PAN3: variants seen among roughly 807,000 people sequenced by gnomAD.
PAN3 encodes the protein poly(A) specific ribonuclease subunit PAN3.
Under a neutral mutation model 96.2 loss-of-function variants are expected in PAN3, and 19 were observed. That is an observed-to-expected ratio of 0.20 (90% CI 0.14 to 0.29). The LOEUF is 0.29. Ranked by LOEUF, PAN3 falls within the 10% of genes least tolerant of loss-of-function variation. The pLI is 1.00. For missense variants in PAN3, 882 were observed against 1,108.1 expected, an observed-to-expected ratio of 0.80 and a Z score of 2.90; for synonymous variants, 433 against 406.6, an observed-to-expected ratio of 1.06 and a Z score of -0.78.
At chr13:28,220,160 T>C in intron 5 of PAN3, 71 bp from the exon 6 acceptor site, 1 of 1,418,144 alleles carries the variant, frequency 7.1e-7, no homozygotes, top group Non-Finnish European at 9.7e-7. Flanking sequence ...CACTGTGGAA[T>C]ATGCCTAGTA....
At chr13:28,226,418 C>T (rs2138414289) in intron 6 of PAN3, among the ~76,000 whole-genome samples, 1 of 152,144 alleles carries the variant, frequency 6.6e-6, no homozygotes, top group African/African-American at 2.4e-5. Context: ...TAGTTTTGTA[C>T]TTAATATCAA....
chr13:28,225,802 A>G (rs761234629), intron 6 of PAN3, among the ~76,000 whole-genome samples: 13 of 152,230 alleles, frequency 8.5e-5, no homozygotes, highest in Non-Finnish European at 1.8e-4. Flanking sequence ...TATTCTTCAG[A>G]CTAGTTCTGT....
chr13:28,212,971 A>G (rs542166293), intron 5 of PAN3, among the ~76,000 whole-genome samples: 6 of 152,326 alleles, frequency 3.9e-5, no homozygotes, highest in African/African-American at 1.4e-4. Flanking sequence ...AGTGAACCAC[A>G]GGCAAAATAA....
chr13:28,280,405 T>C lies in PAN3; in HGVS notation c.2190-7T>C. On this transcript the variant is annotated splice_polypyrimidine_tract_variant and splice_region_variant and intron_variant, in intron 15 of 18. Transcript: ENST00000380958. The stretch of plus-strand genomic sequence containing the variant: ...CATCCAAGTAATTCCTCTTTTATCT[T>C]GGGTAGGTATTTGTTGACTGACCAA... 1 of 1,599,884 alleles carries C rather than the reference T, an allele frequency of 6.3e-7. No individual in the cohort carries two copies. The highest frequency in any genetic ancestry group is 1.3e-5 in the African/African-American group (1 of 74,200).
At chr13:28,247,233 C>T (rs1884280398) in intron 6 of PAN3, among the ~76,000 whole-genome samples, 1 of 151,986 alleles carries the variant, frequency 6.6e-6, no homozygotes, top group Non-Finnish European at 1.5e-5. Flanking sequence ...AATGTCGGTC[C>T]TGATCTTTTG....
At chr13:28,198,325 CAA>C (rs1878314296) in intron 5 of PAN3, among the ~76,000 whole-genome samples, 1 of 151,390 alleles carries the variant, frequency 6.6e-6, no homozygotes, top group Non-Finnish European at 1.5e-5. Flanking sequence ...ATTTATTACA[CAA>C]AGTCACATTT....
intron 4 of PAN3, among the ~76,000 whole-genome samples, chr13:28,186,714 C>T (rs1404868320): frequency 2.0e-5 from 3 of 152,162 alleles, no homozygotes; most frequent in African/African-American, 4.8e-5. Context: ...TACATAGTGA[C>T]AGCTACATGG....
At chr13:28,215,877 A>C (rs2138351036) in intron 5 of PAN3, 1 of 1,353,650 alleles carries the variant, frequency 7.4e-7, no homozygotes, top group Non-Finnish European at 1.0e-6. Flanking sequence ...GTTTGCCCAG[A>C]AATCTCAGAA....
chr13:28,158,254 C>G (rs1872472312), intron 1 of PAN3, among the ~76,000 whole-genome samples: 1 of 152,060 alleles, frequency 6.6e-6, no homozygotes, highest in African/African-American at 2.4e-5. Context: ...CCCTTGAAAA[C>G]CTAGGAAATA....
At chr13:28,167,720 T>A (rs1320155875) in intron 1 of PAN3, among the ~76,000 whole-genome samples, 1 of 150,952 alleles carries the variant, frequency 6.6e-6, no homozygotes, top group African/African-American at 2.4e-5. Flanking sequence ...GGCTCATTCC[T>A]GTAGTCCCAC....
intron 6 of PAN3, among the ~76,000 whole-genome samples, chr13:28,234,608 T>C (rs1008598042): frequency 6.6e-6 from 1 of 152,182 alleles, no homozygotes; most frequent in Admixed American, 6.5e-5. Flanking sequence ...TAACTTGTCT[T>C]CATACCTCAA....
At chr13:28,140,850 G>T (rs1219127264) in intron 1 of PAN3, among the ~76,000 whole-genome samples, 1 of 152,102 alleles carries the variant, frequency 6.6e-6, no homozygotes, top group Non-Finnish European at 1.5e-5. Flanking sequence ...AAAACAAATG[G>T]TTACTTATGG....
chr13:28,164,961 G>A (rs760068511), intron 1 of PAN3, among the ~76,000 whole-genome samples: 9 of 152,190 alleles, frequency 5.9e-5, no homozygotes, highest in Non-Finnish European at 1.0e-4. Context: ...AGGCTGGAGC[G>A]CAGTGGCGCG....
At chr13:28,274,436 A>AT (rs1252924761) in intron 14 of PAN3, among the ~76,000 whole-genome samples, 1 of 151,914 alleles carries the variant, frequency 6.6e-6, no homozygotes, top group Non-Finnish European at 1.5e-5. Context: ...AAAATTACAC[A>AT]TTTTTAGAGC....
intron 3 of PAN3, among the ~76,000 whole-genome samples, chr13:28,177,396 A>T (rs1194183879): frequency 6.6e-6 from 1 of 152,162 alleles, no homozygotes; most frequent in Non-Finnish European, 1.5e-5. Context: ...AAAATATGGA[A>T]TAGTTTGCAG....
intron 1 of PAN3, among the ~76,000 whole-genome samples, chr13:28,164,507 T>C (rs75876426): frequency 0.01 from 1,554 of 152,320 alleles, 22 homozygotes; most frequent in African/African-American, 0.035. Context: ...TGTAGCTGGG[T>C]ACTTTTTGGA....
intron 1 of PAN3, among the ~76,000 whole-genome samples, chr13:28,162,789 A>G (rs1341825180): frequency 1.3e-5 from 2 of 151,266 alleles, no homozygotes; most frequent in African/African-American, 4.9e-5. Flanking sequence ...GGCTGCAGTG[A>G]GCTGATTATG....
chr13:28,268,813 C>CT (rs377741153), intron 12 of PAN3, among the ~76,000 whole-genome samples: 3,373 of 150,914 alleles, frequency 0.022, 40 homozygotes, highest in Non-Finnish European at 0.036. Flanking sequence ...CTTGTTACTT[C>CT]TTTTTTTTTG....
intron 5 of PAN3, among the ~76,000 whole-genome samples, chr13:28,203,960 G>A (rs756733835): frequency 5.3e-5 from 8 of 151,514 alleles, no homozygotes; most frequent in Admixed American, 3.9e-4. Context: ...ACTCCACCAC[G>A]CCCAGCTAAT....
Sources: gnomAD v4.1 joint callset for allele counts (sites outside exome capture counted in the v4.1 genomes callset) on GRCh38, gnomAD v4.1.1 for gene constraint, MANE v1.5 for transcripts, NCBI Gene and HGNC (gene_info 2026-07-23, HGNC 2026-07-21) for gene names.